The following PCED1B variants were observed in gnomAD, a reference collection of about 807,000 sequenced individuals.
PCED1B encodes the protein PC-esterase domain containing 1B.
For missense variants in PCED1B, 573 were observed against 573.9 expected, an observed-to-expected ratio of 1.00 and a Z score of 0.02; for synonymous variants, 251 against 246.1, an observed-to-expected ratio of 1.02 and a Z score of -0.19.
Position 47,103,390 on chromosome 12 carries a change from C to T in PCED1B, c.-608-723C>T, listed in dbSNP as rs143686627. Among the ~76,000 whole-genome samples the T allele has an allele frequency of 1.4e-3, 208 of 152,254 alleles. 1 individual carries two copies. The highest frequency in any genetic ancestry group is 9.3e-3 in the East Asian group (48 of 5,180). ...CTCATTAAATGTTACGGGAAAGATG[C>T]GCACTGCAGCAGGGCCTGGAATGTG... On this transcript the variant is annotated intron_variant, in intron 1 of 3. Coordinates refer to ENST00000546455, the MANE Select transcript of PCED1B (RefSeq NM_138371.3).
chr12:47,132,440 T>G (rs1218213027), intron 2 of PCED1B, among the ~76,000 whole-genome samples: 4 of 152,118 alleles, frequency 2.6e-5, no homozygotes. Flanking sequence ...AATGGCCCAA[T>G]ACTATGGGGG....
intron 2 of PCED1B, among the ~76,000 whole-genome samples, chr12:47,153,068 G>A (rs73108123): frequency 0.22 from 33,244 of 152,076 alleles, 4,686 homozygotes; most frequent in Non-Finnish European, 0.31. Flanking sequence ...TAGAAATTCA[G>A]GCCGGGCACA....
At chr12:47,188,904 GCTT>G (rs1221264785) in intron 2 of PCED1B, among the ~76,000 whole-genome samples, 1 of 152,134 alleles carries the variant, frequency 6.6e-6, no homozygotes, top group African/African-American at 2.4e-5. Context: ...GACTCCTGTT[GCTT>G]CTTATTGCAA....
At chr12:47,114,058 A>G (rs1939317256) in intron 2 of PCED1B, among the ~76,000 whole-genome samples, 1 of 152,214 alleles carries the variant, frequency 6.6e-6, no homozygotes, top group Non-Finnish European at 1.5e-5. Flanking sequence ...TTGTGATTCC[A>G]GATGGGAATC....
chr12:47,183,005 G>A (rs1942143994), intron 2 of PCED1B, among the ~76,000 whole-genome samples: 1 of 143,434 alleles, frequency 7.0e-6, no homozygotes, highest in African/African-American at 2.5e-5. Context: ...AATGGCTTCA[G>A]GGGTCTCTCT....
intron 2 of PCED1B, among the ~76,000 whole-genome samples, chr12:47,113,417 A>C (rs778769172): frequency 2.2e-4 from 34 of 152,136 alleles, no homozygotes; most frequent in Non-Finnish European, 4.0e-4. Flanking sequence ...GGCATTTTTT[A>C]CTCCAAATTT....
intron 2 of PCED1B, chr12:47,209,378 C>G (rs1344172423): frequency 6.6e-6 from 1 of 152,186 alleles, no homozygotes; most frequent in Non-Finnish European, 1.5e-5. Flanking sequence ...CCCGGCTACT[C>G]GGGAGGCTGA....
At position 47,235,301 on chromosome 12, in the gene PCED1B, C is replaced by G. The variant is rs751726248; in HGVS notation, c.238C>G (p.Arg80Gly). ...MHNGLNYREV[R>G]EFRSDHHLVR... is the part of the protein sequence containing the mutation. ...CAACGGCCTTAACTACCGTGAGGTCCGCGAGTTCCGCTCCGACCACCATCT... is the reference window on the plus strand; with the variant it reads ...CAACGGCCTTAACTACCGTGAGGTCGGCGAGTTCCGCTCCGACCACCATCT... The change falls in exon 4 of 4, where the codon CGC becomes GGC. Residue 80 changes from arginine to glycine, a missense_variant. By Grantham distance (125) the Arg-to-Gly change is moderately radical (BLOSUM62 -2). Coordinates refer to ENST00000546455, the MANE Select transcript of PCED1B (RefSeq NM_138371.3). 6.2e-7 allele frequency: 1 copy of G among 1,614,030 alleles called. No homozygotes were observed. The highest frequency in any genetic ancestry group is 8.5e-7 in the Non-Finnish European group (1 of 1,180,024).
Position 47,231,238 on chromosome 12 carries a change from A to C in PCED1B, c.-57-3769A>C, listed in dbSNP as rs1220553066. Among the ~76,000 whole-genome samples the C allele has an allele frequency of 2.0e-5, 3 of 152,302 alleles. No homozygotes were observed. In the East Asian group the frequency reaches 5.8e-4, roughly 29 times the overall value. ...TGTTTTATTATTTTTTTACATGTAC[A>C]TGGGGACCCTCATAAGAGAGTGAAG... On this transcript the variant is annotated intron_variant, in intron 3 of 3. Coordinates refer to ENST00000546455, the MANE Select transcript of PCED1B (RefSeq NM_138371.3).
intron 2 of PCED1B, among the ~76,000 whole-genome samples, chr12:47,202,903 AT>A: frequency 6.6e-6 from 1 of 151,780 alleles, no homozygotes; most frequent in South Asian, 2.1e-4. Flanking sequence ...GAGGCTATTA[AT>A]TTTCATTTAC....
chr12:47,229,491 T>C (rs1943733611), intron 3 of PCED1B, among the ~76,000 whole-genome samples: 1 of 151,986 alleles, frequency 6.6e-6, no homozygotes, highest in Non-Finnish European at 1.5e-5. Flanking sequence ...GATTTCAGAA[T>C]ATTTGCATGT....
chr12:47,167,822 T>G (rs1285223156), intron 2 of PCED1B, among the ~76,000 whole-genome samples: 1 of 152,188 alleles, frequency 6.6e-6, no homozygotes, highest in Non-Finnish European at 1.5e-5. Context: ...ATGGGCCTTC[T>G]AGCTCAAAAG....
chr12:47,192,857 C>T (rs1035419687), intron 2 of PCED1B, among the ~76,000 whole-genome samples: 3 of 152,126 alleles, frequency 2.0e-5, no homozygotes, highest in African/African-American at 4.8e-5. Context: ...AACTAAGGCT[C>T]GGAGAGATTA....
At chr12:47,217,879 G>C (rs1301708671) in intron 3 of PCED1B, among the ~76,000 whole-genome samples, 2 of 152,158 alleles carry the variant, frequency 1.3e-5, no homozygotes, top group African/African-American at 4.8e-5. Context: ...GCCCTTCTTA[G>C]AGTTCTTAAG....
intron 1 of PCED1B, among the ~76,000 whole-genome samples, chr12:47,102,825 T>C (rs565666087): frequency 1.3e-5 from 2 of 152,350 alleles, no homozygotes; most frequent in South Asian, 4.1e-4. Context: ...TAGGTAATAA[T>C]ACAATATAAT....
At position 47,205,508 on chromosome 12, in the gene PCED1B, G is replaced by A. The variant is rs538522707; in HGVS notation, c.-525-10714G>A. Among the ~76,000 whole-genome samples the A allele has an allele frequency of 4.5e-4, 69 of 152,208 alleles. 2 individuals are homozygous for A. Among genetic ancestry groups the A allele is most frequent in the South Asian group, 4.2e-4 (2 of 4,814 alleles). On this transcript the variant is annotated intron_variant, in intron 2 of 3. Transcript: ENST00000546455. The stretch of plus-strand genomic sequence containing the variant: ...TTTGTTTTGGCAAAGGGCTGTTACC[G>A]TCTTTGTTTCAAAGTTATACTATAA...
At chr12:47,166,808 C>T (rs1011727202) in intron 2 of PCED1B, among the ~76,000 whole-genome samples, 1 of 152,004 alleles carries the variant, frequency 6.6e-6, no homozygotes, top group African/African-American at 2.4e-5. Context: ...TTATTTACCC[C>T]TCTTAGGTTC....
chr12:47,112,840 C>G (rs1029784884), intron 2 of PCED1B, among the ~76,000 whole-genome samples: 1 of 152,126 alleles, frequency 6.6e-6, no homozygotes, highest in African/African-American at 2.4e-5. Context: ...AGCTAAGAGA[C>G]TAAAGTTTCA....
chr12:47,177,240 C>A (rs1188059748), intron 2 of PCED1B, among the ~76,000 whole-genome samples: 2 of 152,176 alleles, frequency 1.3e-5, no homozygotes, highest in Non-Finnish European at 2.9e-5. Flanking sequence ...GATAACTAAT[C>A]CCAAGCACTG....
Sources: gnomAD v4.1 joint callset for allele counts (sites outside exome capture counted in the v4.1 genomes callset) on GRCh38, gnomAD v4.1.1 for gene constraint, MANE v1.5 for transcripts, NCBI Gene and HGNC (gene_info 2026-07-23, HGNC 2026-07-21) for gene names.